Variants in ZC3H4 observed in about 807,000 individuals in gnomAD.
ZC3H4 encodes the protein zinc finger CCCH-type containing 4, also known as zinc finger CCCH domain-containing protein 4.
Under a neutral mutation model 108.3 loss-of-function variants are expected in ZC3H4, and 13 were observed. That is an observed-to-expected ratio of 0.12 (90% CI 0.08 to 0.19). The LOEUF is 0.19. ZC3H4 is among the 10% of genes least tolerant of loss of function. The pLI is 1.00. For missense variants in ZC3H4, 1,734 were observed against 1,838.8 expected (o/e 0.94, Z 1.04); for synonymous variants, 917 against 749.6 (o/e 1.22, Z -3.65).
chr19:47,088,613 G>A (rs1289087433), intron 5 of ZC3H4, among the ~76,000 whole-genome samples: 3 of 151,612 alleles, frequency 2.0e-5, no homozygotes, highest in Non-Finnish European at 2.9e-5. Context: ...AGCCTAAATC[G>A]TGCCACTGCA....
intron 2 of ZC3H4, among the ~76,000 whole-genome samples, chr19:47,111,637 C>A (rs1400728412): frequency 9.5e-6 from 1 of 104,780 alleles, no homozygotes; most frequent in Non-Finnish European, 2.8e-5. Context: ...GGGGAAGAGT[C>A]TTCTCTAAAA....
At position 47,066,822 on chromosome 19, in the gene ZC3H4, T is replaced by C; in HGVS notation, c.3446A>G (p.Tyr1149Cys). ...CCCCGCGTTGGGAGTCCTCGGGTCG[T>C]AGAGGCTGATACCGCTCAGCACACT... is the stretch of plus-strand genomic sequence containing the variant. ...QSSVLSGISL[Y>C]DPRTPNAGGK... The change falls in exon 15 of 15, where the codon TAC becomes TGC. Residue 1149 changes from tyrosine (Y) to cysteine (C), a missense_variant. This residue lies in a region of ZC3H4 where 518 missense variants were observed against 499.6 expected (regional missense o/e 1.04). Transcript: ENST00000253048. 6.3e-7 allele frequency: 1 copy of C among 1,600,000 alleles called. No individual in the cohort carries two copies. The highest frequency in any genetic ancestry group is 8.5e-7 in the Non-Finnish European group (1 of 1,179,244).
rs535859476 is a variant in ZC3H4, at chr19:47,067,793, C to T, written c.2475G>A (p.Arg825=). The T allele has an allele frequency of 1.2e-6, 2 of 1,609,772 alleles. No homozygotes were observed. The highest frequency in any genetic ancestry group is 1.7e-6 in the Non-Finnish European group (2 of 1,178,638). The change falls in exon 15 of 15, where the codon AGG becomes AGA. Residue 825 remains arginine (R), a synonymous_variant. Coordinates refer to ENST00000253048, the MANE Select transcript of ZC3H4 (RefSeq NM_015168.2). This position sits in a 1 kb window ranked among gnomAD's most constrained non-coding sequence, Gnocchi z 6.4. ...CCGGGGGTCGGCTGGACGTCTGCTGCCTCAAGGTCTTCAGGATGGAGGTGA... is the reference window on the plus strand; with the variant it reads ...CCGGGGGTCGGCTGGACGTCTGCTGTCTCAAGGTCTTCAGGATGGAGGTGA... ...SSVTSILKTL[R]QQTSSRPPAS...
At chr19:47,083,350 C>G (rs2057558663) in intron 9 of ZC3H4, among the ~76,000 whole-genome samples, 1 of 149,552 alleles carries the variant, frequency 6.7e-6, no homozygotes, top group Non-Finnish European at 1.5e-5. Context: ...GAGATGGGGT[C>G]TATGTTGCCC....
At chr19:47,083,002 G>A (rs1032715124) in intron 9 of ZC3H4, among the ~76,000 whole-genome samples, 1 of 152,160 alleles carries the variant, frequency 6.6e-6, no homozygotes, top group African/African-American at 2.4e-5. Flanking sequence ...GAAGACAGAA[G>A]CTGATCTGTC....
chr19:47,110,917 T>A, intron 2 of ZC3H4: 4 of 985,356 alleles, frequency 4.1e-6, no homozygotes, highest in Non-Finnish European at 4.8e-6. Context: ...CTTGTGTCTC[T>A]GAATGTGGGT....
chr19:47,094,158 A>C, intron 3 of ZC3H4, 78 bp from the exon 4 acceptor site: 1 of 1,414,134 alleles, frequency 7.1e-7, no homozygotes, highest in Non-Finnish European at 1.0e-6. Context: ...AGGACAAACT[A>C]TGCTGGCATG....
chr19:47,112,453 G>A lies in ZC3H4; in HGVS notation c.132C>T (p.Leu44=), dbSNP rs995679929. Residue 44 remains leucine, a synonymous_variant, in exon 2 of 15, where the codon CTC becomes CTT. Transcript: ENST00000253048. ...CGTCAGGGAGCGGGAGGCGGTGGTG[G>A]AGGAGGTGCGGGGTGGCCGGGCGGG... is the stretch of plus-strand genomic sequence containing the variant. ...PDARPATPHL[L]HHRLPLPDDR... is the part of the protein sequence containing the mutation. 31 of 1,234,750 alleles carry A rather than the reference G, an allele frequency of 2.5e-5. No individual in the cohort carries two copies. In the East Asian group the frequency reaches 9.5e-4, roughly 38 times the overall value. The allele number at this position is 1,234,750 out of a possible 1,614,324, so 76.5% of individuals were successfully genotyped here.
At chr19:47,084,233 A>G (rs1273605075) in intron 9 of ZC3H4, 112 bp downstream of exon 9, 3 of 978,916 alleles carry the variant, frequency 3.1e-6, no homozygotes. Flanking sequence ...AAGGACAAGG[A>G]CTACACAGTC....
Position 47,066,179 on chromosome 19 carries a change from C to CAAATCTCAAAGAAAGTACTACTTTAAAA in ZC3H4, c.*149_*176dup. Reference sequence around the variant, plus strand: ...ACTTAAGATGGTTATATACAATTTACAAATCTCAAAGAAAGTACTACTTTA... The same window carrying CAAATCTCAAAGAAAGTACTACTTTAAAA: ...ACTTAAGATGGTTATATACAATTTACAAATCTCAAAGAAAGTACTACTTTAAAAAAATCTCAAAGAAAGTACTACTTTA... On this transcript the variant is annotated 3_prime_UTR_variant, in exon 15 of 15. Coordinates refer to ENST00000253048, the MANE Select transcript of ZC3H4 (RefSeq NM_015168.2). 1.8e-6 allele frequency: 1 copy of CAAATCTCAAAGAAAGTACTACTTTAAAA among 549,580 alleles called. No individual in the cohort carries two copies. The highest frequency in any genetic ancestry group is 3.0e-6 in the Non-Finnish European group (1 of 330,348). The allele number at this position is 549,580 out of a possible 1,614,324, so 34.0% of individuals were successfully genotyped here. A position where few individuals can be genotyped will look rare whatever the true frequency, so the allele number is the denominator to read the frequency against.
At chr19:47,097,753 A>G (rs559600043) in intron 2 of ZC3H4, among the ~76,000 whole-genome samples, 11 of 152,258 alleles carry the variant, frequency 7.2e-5, no homozygotes, top group African/African-American at 2.4e-4. Context: ...CCCCAAGAAA[A>G]GTGGGGGAAG....
In ZC3H4 at chr19:47,072,399, C is replaced by T. The variant is rs1304493052; in HGVS notation, c.1755G>A (p.Glu585=). Residue 585 remains glutamate, a synonymous_variant, in exon 12 of 15, where the codon GAG becomes GAA. Coordinates refer to ENST00000253048, the MANE Select transcript of ZC3H4 (RefSeq NM_015168.2). The surrounding 1 kb of genome is among the most constrained non-coding windows in gnomAD (Gnocchi z 5.6). ...MYNKKIPSLF[E]IVVRPTGQLA... ...GCTGTCCCGTGGGCCGCACCACGAT[C>T]TCAAACAAGGAGGGGATCTTCTTGT... is the stretch of plus-strand genomic sequence containing the variant. 6.2e-7 allele frequency: 1 copy of T among 1,613,432 alleles called. No homozygotes were observed. The highest frequency in any genetic ancestry group is 1.7e-5 in the Admixed American group (1 of 59,952).
intron 2 of ZC3H4, among the ~76,000 whole-genome samples, chr19:47,102,756 G>A (rs563226634): frequency 4.1e-5 from 6 of 145,802 alleles, no homozygotes; most frequent in Non-Finnish European, 7.5e-5. Flanking sequence ...TGGAAAGACC[G>A]AAGGAATTCT....
chr19:47,081,753 G>C lies in ZC3H4; in HGVS notation c.1331-131C>G, dbSNP rs138778882. On this transcript the variant is annotated intron_variant, in intron 10 of 14. Coordinates refer to ENST00000253048, the MANE Select transcript of ZC3H4 (RefSeq NM_015168.2). ...TGAGCCCAGAGAGGTGAGGCGATGT[G>C]CTAAGGGCTGCTCAGTGGGTTGGCA... is the stretch of plus-strand genomic sequence containing the variant. The C allele has an allele frequency of 6.4e-3, 4,913 of 767,364 alleles. 89 individuals carry two copies. The highest frequency in any genetic ancestry group is 0.036 in the African/African-American group (2,065 of 58,032). The allele number at this position is 767,364 out of a possible 1,614,324, so 47.5% of individuals were successfully genotyped here.
chr19:47,092,009 G>A (rs2057740910), intron 4 of ZC3H4, among the ~76,000 whole-genome samples: 1 of 152,094 alleles, frequency 6.6e-6, no homozygotes, highest in Non-Finnish European at 1.5e-5. Context: ...AGGAATTTGA[G>A]ACCAGCCTGG....
At chr19:47,110,878 A>C in intron 2 of ZC3H4, 1 of 983,664 alleles carries the variant, frequency 1.0e-6, no homozygotes, top group Non-Finnish European at 1.2e-6. Flanking sequence ...GAAAAAAAAA[A>C]TGTTGTAAAA....
In ZC3H4 at chr19:47,069,352, G is replaced by C; in HGVS notation, c.2147-9C>G. On this transcript the variant is annotated splice_polypyrimidine_tract_variant and intron_variant, in intron 13 of 14. Coordinates refer to ENST00000253048, the MANE Select transcript of ZC3H4 (RefSeq NM_015168.2). ...GTAGTGCCCGTAGTCCTCTGTGGCA[G>C]GGAAGAACCGAGGGTTCATGTCGGG... is the stretch of plus-strand genomic sequence containing the variant. 1 of 1,610,284 alleles carries C rather than the reference G, an allele frequency of 6.2e-7. No individual in the cohort carries two copies.
At chr19:47,094,642 G>A (rs1236711742) in intron 2 of ZC3H4, 34 bp from the exon 3 acceptor site, 20 of 1,608,168 alleles carry the variant, frequency 1.2e-5, no homozygotes, top group Non-Finnish European at 1.5e-5. Flanking sequence ...CATGAACACA[G>A]GGTTTGAGAG....
rs2057168412 is a variant in ZC3H4 at position 47,064,405 on chromosome 19, T to C, written c.*1951A>G. 1 of 152,630 alleles carries C rather than the reference T, an allele frequency of 6.6e-6. No homozygotes were observed. The highest frequency in any genetic ancestry group is 2.4e-5 in the African/African-American group (1 of 41,456). The allele number at this position is 152,630 out of a possible 1,614,324, so 9.5% of individuals were successfully genotyped here. On this transcript the variant is annotated 3_prime_UTR_variant, in exon 15 of 15. Transcript: ENST00000253048. ...AGTATTTACACTTTTGTTACAATCC[T>C]GGTTAGAGAACAATTTTTCTTTAAA... is the stretch of plus-strand genomic sequence containing the variant.
Sources: gnomAD v4.1 joint callset for allele counts (sites outside exome capture counted in the v4.1 genomes callset) on GRCh38, gnomAD v4.1.1 for gene constraint, gnomAD v4.1.1 regional missense constraint, Gnocchi (gnomAD v3.1) non-coding constraint, MANE v1.5 for transcripts, NCBI Gene and HGNC (gene_info 2026-07-23, HGNC 2026-07-21) for gene names.